The following MYH15 variants were observed in gnomAD, a reference collection of about 807,000 sequenced individuals.
The protein encoded by MYH15 is myosin-15.
MYH15 carries 227 observed loss-of-function variants against 240.5 expected under a neutral mutation model. That is an observed-to-expected ratio of 0.94 (90% CI 0.85 to 1.05). MYH15 has a LOEUF of 1.05. MYH15 is among the 50% of genes least tolerant of loss of function. The pLI, the probability that MYH15 is intolerant of heterozygous loss-of-function variation, is 0.00. For missense variants in MYH15, 2,217 were observed against 2,247.5 expected (o/e 0.99, Z 0.27); for synonymous variants, 785 against 796.7 (o/e 0.99, Z 0.25).
chr3:108,429,447 G>C (rs1049846235), intron 26 of MYH15, among the ~76,000 whole-genome samples: 1 of 152,150 alleles, frequency 6.6e-6, no homozygotes, highest in East Asian at 1.9e-4. Flanking sequence ...AATAACAAAC[G>C]AGAGCTGGTG....
chr3:108,384,854 G>A, intron 38 of MYH15, 72 bp from the exon 39 acceptor site: 1 of 1,299,262 alleles, frequency 7.7e-7, no homozygotes. Flanking sequence ...AGTCTCATGT[G>A]GGGAAATAAG....
chr3:108,440,109 G>C (rs1465583205), intron 23 of MYH15, among the ~76,000 whole-genome samples, 196 bp from the exon 24 acceptor site: 1 of 152,198 alleles, frequency 6.6e-6, no homozygotes, highest in Non-Finnish European at 1.5e-5. Flanking sequence ...TCTGTTATCT[G>C]TCATGGTGAG....
intron 15 of MYH15, among the ~76,000 whole-genome samples, chr3:108,463,610 C>T (rs901363554): frequency 6.6e-6 from 1 of 152,114 alleles, no homozygotes; most frequent in African/African-American, 2.4e-5. Flanking sequence ...GCTGGGATTA[C>T]AGGGAGCCAC....
chr3:108,499,550 C>G, intron 4 of MYH15, 68 bp from the exon 5 acceptor site: 2 of 1,459,514 alleles, frequency 1.4e-6, no homozygotes, highest in South Asian at 2.4e-5. Flanking sequence ...TGAACTTACT[C>G]AAAATTTCCC....
At chr3:108,522,130 T>A (rs984832426) in intron 1 of MYH15, among the ~76,000 whole-genome samples, 1 of 151,966 alleles carries the variant, frequency 6.6e-6, no homozygotes. Flanking sequence ...CATGCACCAA[T>A]AGACTCGGAG....
rs1176725553 is a variant in MYH15, at chr3:108,408,417, G to T, written c.4496-13C>A. Reference sequence around the variant, plus strand: ...TTAGAAATCTCTTCTGGAGACAGAGGTAAGAAAAACAAAGTTAGTGAATGG... The same window carrying T: ...TTAGAAATCTCTTCTGGAGACAGAGTTAAGAAAAACAAAGTTAGTGAATGG... On this transcript the variant is annotated splice_polypyrimidine_tract_variant and intron_variant, in intron 31 of 40. Transcript: ENST00000693548. 6.2e-7 allele frequency: 1 copy of T among 1,600,324 alleles called. No individual in the cohort carries two copies. The highest frequency in any genetic ancestry group is 1.7e-5 in the Admixed American group (1 of 57,358).
chr3:108,463,006 G>A, intron 16 of MYH15, 105 bp downstream of exon 16: 1 of 1,321,030 alleles, frequency 7.6e-7, no homozygotes, highest in Non-Finnish European at 1.0e-6. Context: ...AGACCACAGG[G>A]AGCAGAAACA....
Position 108,416,845 on chromosome 3 carries a change from T to G in MYH15, c.3915A>C (p.Glu1305Asp). The G allele has an allele frequency of 6.2e-7, 1 of 1,614,084 alleles. No individual in the cohort carries two copies. The highest frequency in any genetic ancestry group is 1.1e-5 in the South Asian group (1 of 91,062). The change falls in exon 29 of 41, where the codon GAA (glutamate) becomes GAC (aspartate). Residue 1305 changes from glutamate (E) to aspartate (D), a missense_variant. Transcript: ENST00000693548. The stretch of plus-strand genomic sequence containing the variant: ...CCTTTTCCAGCTGCCCTCTCAGGTC[T>G]TCAATCTGCCGAGTGAAGTTGCTCT... ...REKSNFTRQI[E>D]DLRGQLEKET...
At position 108,428,674 on chromosome 3, in the gene MYH15, T is replaced by C. The variant is rs1248989110; in HGVS notation, c.3520A>G (p.Thr1174Ala). The change falls in exon 27 of 41, where the codon ACT (threonine) becomes GCT (alanine). Residue 1174 changes from threonine (T) to alanine (A), a missense_variant. By Grantham distance (58) the Thr-to-Ala change is moderately conservative. Transcript: ENST00000693548. Reference sequence around the variant, plus strand: ...GCAGAAGTTGTCTCAAAGTGCAGAGTGGCCTCTTCCATGTCTCGGTGCAGC... The same window carrying C: ...GCAGAAGTTGTCTCAAAGTGCAGAGCGGCCTCTTCCATGTCTCGGTGCAGC... ...QKLHRDMEEA[T>A]LHFETTSASL... The C allele has an allele frequency of 6.2e-7, 1 of 1,613,790 alleles. No homozygotes were observed. The highest frequency in any genetic ancestry group is 8.5e-7 in the Non-Finnish European group (1 of 1,179,948).
At chr3:108,438,032 G>C (rs939306482) in intron 24 of MYH15, among the ~76,000 whole-genome samples, 1 of 152,080 alleles carries the variant, frequency 6.6e-6, no homozygotes, top group South Asian at 2.1e-4. Flanking sequence ...CTCATTTCAC[G>C]GGTGGATAAG....
chr3:108,523,152 A>G (rs1263955074), intron 1 of MYH15, among the ~76,000 whole-genome samples: 1 of 152,090 alleles, frequency 6.6e-6, no homozygotes, highest in African/African-American at 2.4e-5. Flanking sequence ...GAATTATAAA[A>G]CAGTATTTAC....
At chr3:108,522,503 A>G (rs1011150930) in intron 1 of MYH15, among the ~76,000 whole-genome samples, 1 of 152,140 alleles carries the variant, frequency 6.6e-6, no homozygotes, top group Non-Finnish European at 1.5e-5. Flanking sequence ...TAGTTGCTGT[A>G]TTCAAATGAT....
At position 108,463,215 on chromosome 3, in the gene MYH15, TCCAG is replaced by T; in HGVS notation, c.1756_1759del (p.Leu586LysfsTer12). Reference sequence around the variant, plus strand: ...TTCATTAAGGAGGTCTTTGTTCTTTTCCAGCCAACCACTGATATTATAAGGTACC... The same window carrying T: ...TTCATTAAGGAGGTCTTTGTTCTTTTCCAACCACTGATATTATAAGGTACC... On this transcript the variant is annotated frameshift_variant, in exon 16 of 41. Coordinates refer to ENST00000693548, the MANE Select transcript of MYH15 (RefSeq NM_014981.3). LOFTEE classifies it high-confidence loss of function. The T allele has an allele frequency of 6.2e-7, 1 of 1,612,844 alleles. No homozygotes were observed. Among genetic ancestry groups the T allele is most frequent in the Non-Finnish European group, 8.5e-7 (1 of 1,179,592 alleles).
At chr3:108,505,576 G>A (rs2083469675) in intron 2 of MYH15, 147 bp downstream of exon 2, 1 of 415,008 alleles carries the variant, frequency 2.4e-6, no homozygotes, top group African/African-American at 2.1e-5. Context: ...ACTGACTTAA[G>A]GAGGAGCTTC....
rs541521114 is a variant in MYH15, at chr3:108,495,930, C to T, written c.619-58G>A. ...AAACTATTAGTAGAATTCTGTAATGCGGCAAGCCCTCCATCTCCAGGTCAA... is the reference window on the plus strand; with the variant it reads ...AAACTATTAGTAGAATTCTGTAATGTGGCAAGCCCTCCATCTCCAGGTCAA... On this transcript the variant is annotated intron_variant, in intron 6 of 40. Coordinates refer to ENST00000693548, the MANE Select transcript of MYH15 (RefSeq NM_014981.3). 35 of 1,326,086 alleles carry T rather than the reference C, an allele frequency of 2.6e-5. No individual in the cohort carries two copies. In the African/African-American group the frequency reaches 3.2e-4, roughly 12 times the overall value. The allele number at this position is 1,326,086 out of a possible 1,614,324, so 82.1% of individuals were successfully genotyped here.
chr3:108,439,849 G>A lies in MYH15; in HGVS notation c.2963C>T (p.Ala988Val). 6.2e-7 allele frequency: 1 copy of A among 1,612,836 alleles called. No individual in the cohort carries two copies. Among genetic ancestry groups the A allele is most frequent in the South Asian group, 1.1e-5 (1 of 90,832 alleles). The change falls in exon 24 of 41, where the codon GCC (alanine) becomes GTC (valine). Residue 988 changes from alanine (A) to valine (V), a missense_variant. Transcript: ENST00000693548. Reference sequence around the variant, plus strand: ...CTGATGGGCCTCCTGCACAACCTTGGCTGCTCTGTTAAGTTTGCTGATATC... The same window carrying A: ...CTGATGGGCCTCCTGCACAACCTTGACTGCTCTGTTAAGTTTGCTGATATC... Reference protein sequence around the residue: ...NEDISKLNRAAKVVQEAHQQT... With the variant: ...NEDISKLNRAVKVVQEAHQQT...
chr3:108,382,003 C>G (rs1416858363), intron 40 of MYH15, among the ~76,000 whole-genome samples: 1 of 152,254 alleles, frequency 6.6e-6, no homozygotes, highest in African/African-American at 2.4e-5. Context: ...CTATTCCTCT[C>G]TGGCCTCTCA....
At chr3:108,392,042 T>A in intron 36 of MYH15, 112 bp from the exon 37 acceptor site, 1 of 1,155,442 alleles carries the variant, frequency 8.7e-7, no homozygotes, top group Non-Finnish European at 1.2e-6. Context: ...TGCCTCTATG[T>A]ATGTGATCTC....
At chr3:108,501,650 G>C (rs554978139) in intron 3 of MYH15, 62 bp downstream of exon 3, 315 of 1,599,694 alleles carry the variant, frequency 2.0e-4, no homozygotes, top group Non-Finnish European at 2.5e-4. Context: ...TCACCCAGGA[G>C]AGATTGGGAC....
Sources: allele counts gnomAD v4.1 joint callset (sites outside exome capture counted in the v4.1 genomes callset), GRCh38; gene constraint gnomAD v4.1.1; transcripts MANE v1.5; gene names NCBI Gene and HGNC (gene_info 2026-07-23, HGNC 2026-07-21).